Variants in PRR14L observed in about 807,000 individuals in gnomAD.
The protein encoded by PRR14L is protein PRR14L.
In PRR14L, 80 loss-of-function variants were observed where a neutral mutation model predicts 155.0. That is an observed-to-expected ratio of 0.52 (90% confidence interval 0.43 to 0.62). The LOEUF is 0.62. Among genes scored for constraint, PRR14L ranks in the 20% least tolerant of loss-of-function variants. PRR14L has a pLI of 0.00. For synonymous variants in PRR14L, 883 were observed against 916.0 expected (o/e 0.96, Z 0.65); for missense variants, 2,469 against 2,548.0 (o/e 0.97, Z 0.67).
At chr22:31,747,757 G>A (rs1373890932) in intron 1 of PRR14L, among the ~76,000 whole-genome samples, 1 of 146,330 alleles carries the variant, frequency 6.8e-6, no homozygotes, top group Non-Finnish European at 1.5e-5. Flanking sequence ...GATGGTAAGC[G>A]TTTCTTTAGT....
rs2074641996 is a variant in PRR14L, at chr22:31,714,396, C to T, written c.3443G>A (p.Cys1148Tyr). 1 of 1,551,622 alleles carries T rather than the reference C, an allele frequency of 6.4e-7. No individual in the cohort carries two copies. Among genetic ancestry groups the T allele is most frequent in the Admixed American group, 2.0e-5 (1 of 50,956 alleles). ...CATCTCATGGGCACAAGAGTCTGGA[C>T]ACTTTTCCATTTCACAGTCTTTTAA... is the stretch of plus-strand genomic sequence containing the variant. ...RSLKDCEMEK[C>Y]PDSCAHEMES... Residue 1148 changes from cysteine to tyrosine, a missense_variant, in exon 4 of 9, where the codon TGT (cysteine) becomes TAT (tyrosine). Physicochemically the swap from Cys to Tyr is radical, Grantham distance 194. Around this residue, in one of 2 missense-constraint regions of PRR14L, gnomAD observed 2,363 missense variants for 2,371.6 expected, o/e 1.00. Coordinates refer to ENST00000327423, the MANE Select transcript of PRR14L (RefSeq NM_173566.3).
intron 3 of PRR14L, among the ~76,000 whole-genome samples, chr22:31,722,676 C>G (rs1415841985): frequency 6.6e-6 from 1 of 151,894 alleles, no homozygotes; most frequent in Non-Finnish European, 1.5e-5. Flanking sequence ...ACGCCCGCCA[C>G]CATGCCTGGC....
At chr22:31,745,376 CAAAAAAT>C (rs371040161) in intron 1 of PRR14L, among the ~76,000 whole-genome samples, 14,492 of 151,380 alleles carry the variant, frequency 0.096, 756 homozygotes, top group Admixed American at 0.15. Flanking sequence ...GACTCCGTCT[CAAAAAAT>C]AAAAAATAAA....
At position 31,716,723 on chromosome 22, in the gene PRR14L, T is replaced by C; in HGVS notation, c.1116A>G (p.Arg372=). The change falls in exon 4 of 9, where the codon AGA becomes AGG. Residue 372 remains arginine (R), a synonymous_variant. Transcript: ENST00000327423. ...CGFEGGGLLK[R]SAEKTDSSYF... is the part of the protein sequence containing the mutation. ...AAGAACTGTCTGTCTTTTCAGCAGA[T>C]CTCTTTAGCAAACCACCACCTTCAA... The C allele has an allele frequency of 6.4e-7, 1 of 1,551,794 alleles. No individual in the cohort carries two copies. Among genetic ancestry groups the C allele is most frequent in the Non-Finnish European group, 8.7e-7 (1 of 1,146,970 alleles).
chr22:31,688,069 A>C (rs2074491503), intron 8 of PRR14L, 87 bp downstream of exon 8: 1 of 1,353,274 alleles, frequency 7.4e-7, no homozygotes, highest in Non-Finnish European at 1.0e-6. Context: ...ACAACTGAAC[A>C]TAAACTCTTT....
chr22:31,719,336 C>T (rs986060140), intron 3 of PRR14L, among the ~76,000 whole-genome samples: 27 of 151,722 alleles, frequency 1.8e-4, no homozygotes, highest in Admixed American at 1.6e-3. Flanking sequence ...TGCTTGAGCC[C>T]AGGACGTCAA....
chr22:31,699,091 C>G (rs2074550189), intron 7 of PRR14L, among the ~76,000 whole-genome samples: 1 of 152,070 alleles, frequency 6.6e-6, no homozygotes, highest in African/African-American at 2.4e-5. Context: ...GGCTGGAGTG[C>G]AGTGCCGCGA....
At chr22:31,734,105 T>TGGGACTAAA (rs1047026057) in intron 2 of PRR14L, among the ~76,000 whole-genome samples, 1 of 152,144 alleles carries the variant, frequency 6.6e-6, no homozygotes, top group African/African-American at 2.4e-5. Flanking sequence ...CCCGAATAGC[T>TGGGACTAAA]GGGACTAAAG....
intron 7 of PRR14L, among the ~76,000 whole-genome samples, chr22:31,699,222 G>A (rs1455977770): frequency 7.2e-5 from 11 of 151,974 alleles, no homozygotes; most frequent in Non-Finnish European, 1.5e-4. Context: ...ATTTTTAGTA[G>A]AGACAGGGTT....
intron 8 of PRR14L, among the ~76,000 whole-genome samples, chr22:31,686,523 C>T (rs1327802091): frequency 2.0e-5 from 3 of 151,784 alleles, no homozygotes; most frequent in East Asian, 3.9e-4. Context: ...ACATCCTGGG[C>T]TCAAGCTATC....
rs1465820409 is a variant in PRR14L at position 31,738,387 on chromosome 22, C to G, written c.474G>C (p.Gln158His). Reference protein sequence around the residue: ...TAAEEKTSPSQEDLLMQSSKE... With the variant: ...TAAEEKTSPSHEDLLMQSSKE... ...TCGGAATGGAGATTTCATTTCTTAC[C>G]TGACTCGGGCTAGTCTTTTCTTCAG... is the stretch of plus-strand genomic sequence containing the variant. The change falls in exon 2 of 9, where the codon CAG (glutamine) becomes CAC (histidine). Residue 158 changes from glutamine to histidine, a missense_variant and splice_region_variant. By Grantham distance (24) the Gln-to-His change is conservative. Transcript: ENST00000327423. 11 of 1,550,296 alleles carry G rather than the reference C, an allele frequency of 7.1e-6. No individual in the cohort carries two copies. Among genetic ancestry groups the G allele is most frequent in the Non-Finnish European group, 6.1e-6 (7 of 1,145,738 alleles).
intron 2 of PRR14L, among the ~76,000 whole-genome samples, chr22:31,738,162 C>T (rs935878741): frequency 1.6e-4 from 25 of 152,282 alleles, no homozygotes; most frequent in African/African-American, 5.1e-4. Context: ...CATATACAGT[C>T]GCTGCTTCAG....
Position 31,685,490 on chromosome 22 carries a change from A to C in PRR14L, c.*37T>G. 6.7e-7 allele frequency: 1 copy of C among 1,481,992 alleles called. No homozygotes were observed. 91.8% of individuals were successfully genotyped at this position (1,481,992 alleles called of 1,614,324 possible). On this transcript the variant is annotated 3_prime_UTR_variant, in exon 9 of 9. Coordinates refer to ENST00000327423, the MANE Select transcript of PRR14L (RefSeq NM_173566.3). ...AACCCAAAAACAAAACAAAACAAAAAAACCCTAAAATTGAGACCCTCAAAC... is the reference window on the plus strand; with the variant it reads ...AACCCAAAAACAAAACAAAACAAAACAACCCTAAAATTGAGACCCTCAAAC...
chr22:31,748,462 C>G (rs1042026739), intron 1 of PRR14L, among the ~76,000 whole-genome samples: 1 of 152,142 alleles, frequency 6.6e-6, no homozygotes, highest in African/African-American at 2.4e-5. Flanking sequence ...GGAAAATGCT[C>G]CTGATTTCTA....
At chr22:31,736,486 C>T (rs1228674458) in intron 2 of PRR14L, among the ~76,000 whole-genome samples, 1 of 151,898 alleles carries the variant, frequency 6.6e-6, no homozygotes, top group Non-Finnish European at 1.5e-5. Flanking sequence ...CTGTATGAAG[C>T]CCACTAACAA....
At chr22:31,732,367 C>G (rs1454954362) in intron 2 of PRR14L, among the ~76,000 whole-genome samples, 1 of 152,188 alleles carries the variant, frequency 6.6e-6, no homozygotes, top group Non-Finnish European at 1.5e-5. Context: ...ATTCCCTAAA[C>G]AGGAGTGTCT....
At chr22:31,689,550 T>A (rs141597388) in intron 7 of PRR14L, among the ~76,000 whole-genome samples, 2,006 of 152,274 alleles carry the variant, frequency 0.013, 15 homozygotes, top group Middle Eastern at 0.031. Context: ...TTATTCCTGA[T>A]CACCACTATC....
chr22:31,746,650 G>A (rs1286289931), intron 1 of PRR14L, among the ~76,000 whole-genome samples: 4 of 152,166 alleles, frequency 2.6e-5, no homozygotes, highest in Non-Finnish European at 4.4e-5. Context: ...AGAATGTGTA[G>A]GGAATGGATT....
Position 31,685,696 on chromosome 22 carries a change from G to A in PRR14L, c.6287C>T (p.Pro2096Leu), listed in dbSNP as rs2074478839. ...TTTGCCTCGAGCTCTCCTCTTTCGC[G>A]GGACTGTAAAATCCTGAAATTCTAG... ...RVLEFQDFTVPRKRRARGKVK... is the reference protein window; with the variant it reads ...RVLEFQDFTVLRKRRARGKVK... The change falls in exon 9 of 9, where the codon CCG becomes CTG. Residue 2096 changes from proline to leucine, a missense_variant. By Grantham distance (98) the Pro-to-Leu change is moderately conservative. Around this residue, in one of 2 missense-constraint regions of PRR14L, gnomAD observed 106 missense variants for 176.4 expected, o/e 0.60. Transcript: ENST00000327423. 5 of 1,551,470 alleles carry A rather than the reference G, an allele frequency of 3.2e-6. No homozygotes were observed. Among genetic ancestry groups the A allele is most frequent in the Admixed American group, 2.0e-5 (1 of 50,956 alleles).
Sources: gnomAD v4.1 joint callset for allele counts (sites outside exome capture counted in the v4.1 genomes callset) on GRCh38, gnomAD v4.1.1 for gene constraint, gnomAD v4.1.1 regional missense constraint, MANE v1.5 for transcripts, NCBI Gene and HGNC (gene_info 2026-07-23, HGNC 2026-07-21) for gene names.